OPCML: variants seen among roughly 807,000 people sequenced by gnomAD.
OPCML encodes the protein opioid-binding protein/cell adhesion molecule.
OPCML carries 13 observed loss-of-function variants against 37.8 expected under a neutral mutation model. That is an observed-to-expected ratio of 0.34 (90% CI 0.22 to 0.55). The LOEUF is 0.55. OPCML is among the 20% of genes least tolerant of loss of function. The pLI is 0.91. For synonymous variants in OPCML, 176 were observed against 168.8 expected (o/e 1.04, Z -0.33); for missense variants, 341 against 435.6 (o/e 0.78, Z 1.93).
At chr11:133,249,215 T>C (rs577506613) in intron 1 of OPCML, among the ~76,000 whole-genome samples, 1 of 152,270 alleles carries the variant, frequency 6.6e-6, no homozygotes, top group African/African-American at 2.4e-5. Flanking sequence ...GGCCAGCATT[T>C]GCTTCTGGTA....
At chr11:132,498,351 A>G (rs772038441) in intron 4 of OPCML, among the ~76,000 whole-genome samples, 7 of 152,214 alleles carry the variant, frequency 4.6e-5, no homozygotes, top group Non-Finnish European at 8.8e-5. Flanking sequence ...CAGCCCTAGT[A>G]TATTTCCATA....
intron 2 of OPCML, among the ~76,000 whole-genome samples, chr11:132,798,248 T>C (rs906596898): frequency 6.6e-6 from 1 of 152,132 alleles, no homozygotes; most frequent in African/African-American, 2.4e-5. Context: ...TTTTTGTATT[T>C]TTGGTAGAGA....
At chr11:133,154,008 T>C (rs1950022679) in intron 1 of OPCML, among the ~76,000 whole-genome samples, 1 of 149,316 alleles carries the variant, frequency 6.7e-6, no homozygotes, top group Admixed American at 6.8e-5. Context: ...GAAGAAGCAA[T>C]CCTTAAAAGG....
chr11:133,047,669 T>C (rs544561616), intron 1 of OPCML, among the ~76,000 whole-genome samples: 1 of 152,076 alleles, frequency 6.6e-6, no homozygotes, highest in African/African-American at 2.4e-5. Flanking sequence ...TCTCCACCCC[T>C]CCTCCGTCTC....
At chr11:132,923,079 A>AAAT (rs1565967277) in intron 2 of OPCML, among the ~76,000 whole-genome samples, 35 of 146,076 alleles carry the variant, frequency 2.4e-4, no homozygotes, top group African/African-American at 8.0e-4. Flanking sequence ...GTCTCAGAAA[A>AAAT]AAATAAATAA....
chr11:133,110,876 G>T (rs1224007145), intron 1 of OPCML, among the ~76,000 whole-genome samples: 13 of 152,140 alleles, frequency 8.5e-5, no homozygotes, highest in African/African-American at 3.1e-4. Flanking sequence ...GGAGGCATTT[G>T]GGGTTAGAAA....
At chr11:132,655,330 G>T (rs1941653471) in intron 3 of OPCML, among the ~76,000 whole-genome samples, 1 of 152,212 alleles carries the variant, frequency 6.6e-6, no homozygotes, top group Non-Finnish European at 1.5e-5. Context: ...GTGCAGGCAG[G>T]TGGGGTAGTG....
At chr11:133,024,782 T>C (rs1591923134) in intron 1 of OPCML, 1 of 984,182 alleles carries the variant, frequency 1.0e-6, no homozygotes, top group Middle Eastern at 5.2e-4. Flanking sequence ...AGACTTGGAG[T>C]GTAAAATGAC....
intron 1 of OPCML, among the ~76,000 whole-genome samples, chr11:133,222,243 A>G (rs1396957984): frequency 6.6e-6 from 1 of 152,172 alleles, no homozygotes; most frequent in Non-Finnish European, 1.5e-5. Context: ...GGGCACCCTA[A>G]AGCTGCAGCC....
At chr11:133,200,025 C>A (rs895021724) in intron 1 of OPCML, among the ~76,000 whole-genome samples, 1 of 152,196 alleles carries the variant, frequency 6.6e-6, no homozygotes, top group Admixed American at 6.5e-5. Flanking sequence ...CTGTCCTGCA[C>A]ACGTCCCGCC....
chr11:133,183,034 A>G (rs574324816), intron 1 of OPCML, among the ~76,000 whole-genome samples: 1 of 152,166 alleles, frequency 6.6e-6, no homozygotes, highest in South Asian at 2.1e-4. Context: ...GAGCTGGTGG[A>G]GGTTATATAT....
chr11:132,714,751 A>C (rs1347931526), intron 2 of OPCML, among the ~76,000 whole-genome samples: 1 of 152,192 alleles, frequency 6.6e-6, no homozygotes, highest in Non-Finnish European at 1.5e-5. Flanking sequence ...TATCTTTTCA[A>C]GGACACACCG....
intron 4 of OPCML, among the ~76,000 whole-genome samples, chr11:132,479,330 G>A (rs552770527): frequency 4.6e-5 from 7 of 152,290 alleles, no homozygotes; most frequent in Admixed American, 2.0e-4. Flanking sequence ...CTTAAAAAAC[G>A]GATCACCAGG....
At chr11:132,459,177 C>T (rs1239342988) in intron 4 of OPCML, among the ~76,000 whole-genome samples, 1 of 152,084 alleles carries the variant, frequency 6.6e-6, no homozygotes, top group Non-Finnish European at 1.5e-5. Flanking sequence ...CCGCTCCTGC[C>T]CTCTAGCTCA....
At chr11:133,227,138 C>G (rs1022679195) in intron 1 of OPCML, among the ~76,000 whole-genome samples, 1 of 152,190 alleles carries the variant, frequency 6.6e-6, no homozygotes, top group Non-Finnish European at 1.5e-5. Context: ...GCTGCTGCCT[C>G]AGCTGAGTGG....
chr11:132,476,986 G>A (rs1268833768), intron 4 of OPCML, among the ~76,000 whole-genome samples: 1 of 152,084 alleles, frequency 6.6e-6, no homozygotes, highest in Non-Finnish European at 1.5e-5. Context: ...TATCCATTAT[G>A]CTGAATTAAT....
chr11:132,464,838 T>C (rs2096114681), intron 4 of OPCML, among the ~76,000 whole-genome samples: 1 of 152,212 alleles, frequency 6.6e-6, no homozygotes, highest in African/African-American at 2.4e-5. Flanking sequence ...AAGTGTGTTA[T>C]ATGTACAAGA....
chr11:133,392,382 C>T (rs889462756), intron 1 of OPCML, among the ~76,000 whole-genome samples: 5 of 152,156 alleles, frequency 3.3e-5, no homozygotes, highest in South Asian at 4.1e-4. Flanking sequence ...CACAAACTGC[C>T]GTATTAGCAA....
chr11:132,946,033 C>A (rs968762880), intron 1 of OPCML, among the ~76,000 whole-genome samples: 37 of 152,180 alleles, frequency 2.4e-4, no homozygotes, highest in African/African-American at 8.7e-4. Flanking sequence ...CCACCCGCCT[C>A]GGCCTCCCAA....
Sources: allele counts gnomAD v4.1 joint callset (sites outside exome capture counted in the v4.1 genomes callset), GRCh38; gene constraint gnomAD v4.1.1; transcripts MANE v1.5; gene names NCBI Gene and HGNC (gene_info 2026-07-23, HGNC 2026-07-21).